RUNX2: variants seen among roughly 807,000 people sequenced by gnomAD.
The protein encoded by RUNX2 is runt-related transcription factor 2.
RUNX2 carries 10 observed loss-of-function variants against 51.7 expected under a neutral mutation model. The ratio of observed to expected loss-of-function variants is 0.19; its 90% CI spans 0.12 to 0.33. The LOEUF (loss-of-function observed/expected upper bound fraction) is 0.33, where lower values mean the gene tolerates loss of function less well. Ranked by LOEUF, RUNX2 falls within the 10% of genes least tolerant of loss-of-function variation. The probability of loss-of-function intolerance (pLI) is 1.00; values close to 1 mark genes in which losing one functional copy is unlikely to be tolerated. For synonymous variants in RUNX2, 276 were observed against 273.6 expected, an observed-to-expected ratio of 1.01 and a Z score of -0.09; for missense variants, 562 against 691.3, an observed-to-expected ratio of 0.81 and a Z score of 2.10.
chr6:45,524,984 G>A (rs573090519), intron 7 of RUNX2, among the ~76,000 whole-genome samples: 5 of 152,274 alleles, frequency 3.3e-5, no homozygotes, highest in Admixed American at 2.0e-4. Flanking sequence ...GGTGGCGCAC[G>A]CCTGTAGTCC....
chr6:45,465,501 T>C (rs966131152), intron 5 of RUNX2, among the ~76,000 whole-genome samples: 1 of 152,066 alleles, frequency 6.6e-6, no homozygotes, highest in Non-Finnish European at 1.5e-5. Context: ...GTATAAACTT[T>C]TCAGTTAATT....
intron 6 of RUNX2, among the ~76,000 whole-genome samples, chr6:45,500,324 T>A (rs1309970682): frequency 6.6e-6 from 1 of 152,232 alleles, no homozygotes; most frequent in African/African-American, 2.4e-5. Flanking sequence ...TATGCGAAAG[T>A]ATTCCAGGAA....
At chr6:45,445,842 C>T (rs1172292241) in intron 5 of RUNX2, among the ~76,000 whole-genome samples, 1 of 151,902 alleles carries the variant, frequency 6.6e-6, no homozygotes, top group Non-Finnish European at 1.5e-5. Flanking sequence ...GGGGATGGGT[C>T]AGAAGCGCTG....
At chr6:45,519,820 GTGTGTGTGTGTGTGTGTA>G (rs1445347579) in intron 7 of RUNX2, among the ~76,000 whole-genome samples, 18 of 133,930 alleles carry the variant, frequency 1.3e-4, no homozygotes, top group East Asian at 9.7e-4. Flanking sequence ...GTGTGTGTGT[GTGTGTGTGTGTGTGTGTA>G]TATATTTGAG....
chr6:45,428,554 GC>G (rs1046189355), intron 3 of RUNX2, among the ~76,000 whole-genome samples: 10 of 152,076 alleles, frequency 6.6e-5, no homozygotes, highest in African/African-American at 9.6e-5. Context: ...TTCAGGTCTT[GC>G]TCTCAGCCTC....
intron 5 of RUNX2, among the ~76,000 whole-genome samples, chr6:45,439,000 ACAAT>A (rs1366513835): frequency 6.6e-6 from 1 of 152,154 alleles, no homozygotes; most frequent in Non-Finnish European, 1.5e-5. Flanking sequence ...TTGTTCTATA[ACAAT>A]CAACCTGCAT....
At chr6:45,342,851 A>G (rs908643125) in intron 2 of RUNX2, among the ~76,000 whole-genome samples, 1 of 152,196 alleles carries the variant, frequency 6.6e-6, no homozygotes. Flanking sequence ...AAGTCCTCCA[A>G]TTACAAGATA....
chr6:45,432,661 A>C (rs1484346392), intron 4 of RUNX2, among the ~76,000 whole-genome samples: 2 of 152,194 alleles, frequency 1.3e-5, no homozygotes, highest in Non-Finnish European at 2.9e-5. Flanking sequence ...ATCTGAATCC[A>C]TATTCAAAAA....
At chr6:45,336,109 A>C (rs1368182399) in intron 2 of RUNX2, among the ~76,000 whole-genome samples, 1 of 151,326 alleles carries the variant, frequency 6.6e-6, no homozygotes, top group South Asian at 2.1e-4. Context: ...GTCCACCCAG[A>C]ATTCTTCTAT....
At chr6:45,373,212 G>A (rs1796331082) in intron 2 of RUNX2, among the ~76,000 whole-genome samples, 2 of 152,082 alleles carry the variant, frequency 1.3e-5, no homozygotes, top group Admixed American at 6.6e-5. Flanking sequence ...CCAAAGTGCT[G>A]GTATTACAGG....
chr6:45,377,060 C>G (rs916541756), intron 2 of RUNX2, among the ~76,000 whole-genome samples: 3 of 152,028 alleles, frequency 2.0e-5, no homozygotes. Flanking sequence ...TTCACTCTCA[C>G]GTGTGAGACC....
In RUNX2 at chr6:45,548,239, A is replaced by G. The variant is rs1484411720; in HGVS notation, c.*934A>G. ...ATTTAATGACATTTGGACCCTTGAA[A>G]CATTTCTTAGTGTATTGATATGTTG... is the stretch of plus-strand genomic sequence containing the variant. On this transcript the variant is annotated 3_prime_UTR_variant, in exon 9 of 9. Transcript: ENST00000647337. The G allele has an allele frequency of 6.6e-6, 1 of 152,606 alleles. No homozygotes were observed. The highest frequency in any genetic ancestry group is 1.9e-4 in the East Asian group (1 of 5,206). 9.5% of individuals were successfully genotyped at this position (152,606 alleles called of 1,614,324 possible).
In RUNX2 at chr6:45,531,667, C is replaced by T. The variant is rs199508114; in HGVS notation, c.1022-13550C>T. Among the ~76,000 whole-genome samples, 19 of 152,120 alleles carry T rather than the reference C, an allele frequency of 1.2e-4. No individual in the cohort carries two copies. In the South Asian group the frequency reaches 2.3e-3, roughly 18 times the overall value. ...ACTTGGGAGGCTGAGGCCGGAGAAT[C>T]GCTTGAACCCAGGAGACAGAGGCTG... On this transcript the variant is annotated intron_variant, in intron 7 of 8. Coordinates refer to ENST00000647337, the MANE Select transcript of RUNX2 (RefSeq NM_001024630.4).
chr6:45,451,427 G>T (rs1799168301), intron 5 of RUNX2, among the ~76,000 whole-genome samples: 1 of 152,182 alleles, frequency 6.6e-6, no homozygotes, highest in African/African-American at 2.4e-5. Flanking sequence ...ACAATGAGAA[G>T]CAATCCCGAA....
intron 2 of RUNX2, among the ~76,000 whole-genome samples, chr6:45,399,313 G>GTTTC (rs1222862801): frequency 8.7e-5 from 8 of 91,492 alleles, no homozygotes; most frequent in African/African-American, 2.8e-4. Context: ...TTGTCTTCCT[G>GTTTC]TTTCTCTCTT....
At chr6:45,379,029 C>T (rs1010425498) in intron 2 of RUNX2, among the ~76,000 whole-genome samples, 31 of 152,284 alleles carry the variant, frequency 2.0e-4, no homozygotes, top group Admixed American at 1.2e-3. Context: ...CCTATAGATA[C>T]TGTGAGTTCT....
intron 5 of RUNX2, among the ~76,000 whole-genome samples, chr6:45,472,770 A>G (rs1298148114): frequency 3.9e-5 from 6 of 152,186 alleles, no homozygotes; most frequent in Admixed American, 3.9e-4. Flanking sequence ...GGACATCTAG[A>G]GAAACTGTAA....
At position 45,422,711 on chromosome 6, in the gene RUNX2, G is replaced by GCAGCAGCAGCAA; in HGVS notation, c.188_189insACAGCAGCAGCA (p.Gln68_Gln71dup). 1 of 1,519,960 alleles carries GCAGCAGCAGCAA rather than the reference G, an allele frequency of 6.6e-7. No homozygotes were observed. The highest frequency in any genetic ancestry group is 8.9e-7 in the Non-Finnish European group (1 of 1,124,036). The allele number at this position is 1,519,960 out of a possible 1,614,324, so 94.2% of individuals were successfully genotyped here. ...AGCAGCAACAGCAGCAGCAGCAACA[G>GCAGCAGCAGCAA]CAGCAGCAGCAGCAGCAACAGCAGC... On this transcript the variant is annotated inframe_insertion, in exon 3 of 9. Coordinates refer to ENST00000647337, the MANE Select transcript of RUNX2 (RefSeq NM_001024630.4).
rs181657442 is a variant in RUNX2 at position 45,465,683 on chromosome 6, C to T, written c.686-26258C>T. ...TTTAGACAAGATCTCATTTCAATTG[C>T]CCAGGCTGGAGTTCAGAAGTACAAT... On this transcript the variant is annotated intron_variant, in intron 5 of 8. Coordinates refer to ENST00000647337, the MANE Select transcript of RUNX2 (RefSeq NM_001024630.4). 9.0e-3 allele frequency among the ~76,000 whole-genome samples: 1,352 copies of T among 150,790 alleles called. 9 individuals are homozygous for T. The highest frequency in any genetic ancestry group is 0.012 in the Non-Finnish European group (837 of 67,758).
Sources: allele counts gnomAD v4.1 joint callset (sites outside exome capture counted in the v4.1 genomes callset), GRCh38; gene constraint gnomAD v4.1.1; transcripts MANE v1.5; gene names NCBI Gene and HGNC (gene_info 2026-07-23, HGNC 2026-07-21).